THUMPD2: variants seen among roughly 807,000 people sequenced by gnomAD.
THUMPD2 encodes the protein THUMP domain 2 tRNA and snRNA guanosine methyltransferase.
In THUMPD2, 56 loss-of-function variants were observed where a neutral mutation model predicts 49.4. The observed-to-expected ratio is 1.13, with a 90% CI of 0.91 to 1.41. The LOEUF (loss-of-function observed/expected upper bound fraction) is 1.41, where lower values mean the gene tolerates loss of function less well. THUMPD2 is among the 40% of genes most tolerant of loss of function. THUMPD2 has a pLI of 0.00. For synonymous variants in THUMPD2, 237 were observed against 205.2 expected (o/e 1.15, Z -1.32); for missense variants, 709 against 594.5 (o/e 1.19, Z -2.00).
At chr2:39,757,608 C>A (rs568591732) in intron 6 of THUMPD2, among the ~76,000 whole-genome samples, 2 of 152,202 alleles carry the variant, frequency 1.3e-5, no homozygotes, top group Non-Finnish European at 2.9e-5. Flanking sequence ...CATAATCTGA[C>A]CTGAAGTATC....
chr2:39,743,092 A>T (rs566909220), intron 9 of THUMPD2, among the ~76,000 whole-genome samples: 1 of 152,318 alleles, frequency 6.6e-6, no homozygotes. Flanking sequence ...AGCTTAGACT[A>T]AGTGTCAAGA....
chr2:39,778,210 T>C (rs1415198357), intron 1 of THUMPD2, among the ~76,000 whole-genome samples: 1 of 152,224 alleles, frequency 6.6e-6, no homozygotes, highest in African/African-American at 2.4e-5. Flanking sequence ...TGACACATAT[T>C]AAATGTTCAA....
intron 2 of THUMPD2, 31 bp from the exon 3 acceptor site, chr2:39,770,150 T>C (rs778423321): frequency 1.6e-5 from 22 of 1,417,486 alleles, no homozygotes; most frequent in Admixed American, 1.5e-4. Context: ...TGATCCTCTA[T>C]TGAAGCTTTA....
At chr2:39,753,998 T>A (rs752384855) in intron 8 of THUMPD2, among the ~76,000 whole-genome samples, 3 of 152,152 alleles carry the variant, frequency 2.0e-5, no homozygotes, top group South Asian at 2.1e-4. Flanking sequence ...GACTGTTTTT[T>A]AAATGAAATC....
Position 39,761,392 on chromosome 2 carries a change from A to G in THUMPD2, c.830T>C (p.Ile277Thr), listed in dbSNP as rs746658199. The stretch of plus-strand genomic sequence containing the variant: ...TGTAGATCGCAGTCCAGCTGTCTTG[A>G]TGTAAGCTCTGCTGGCTAGGGAAAC... Reference protein sequence around the residue: ...FRVSLASRAYIKTAGLRSTIA... With the variant: ...FRVSLASRAYTKTAGLRSTIA... Residue 277 changes from isoleucine to threonine, a missense_variant, in exon 6 of 10, where the codon ATC (isoleucine) becomes ACC (threonine). By Grantham distance (89) the Ile-to-Thr change is moderately conservative. Transcript: ENST00000505747. 50 of 1,613,706 alleles carry G rather than the reference A, an allele frequency of 3.1e-5. 1 individual carries two copies. The South Asian group carries it at 5.5e-4, about 18-fold the overall frequency.
chr2:39,751,186 C>A (rs1410199924), intron 8 of THUMPD2, among the ~76,000 whole-genome samples: 1 of 152,248 alleles, frequency 6.6e-6, no homozygotes, highest in African/African-American at 2.4e-5. Flanking sequence ...ATATAAGACA[C>A]CTGGCTAGAA....
At chr2:39,761,505 T>G in intron 5 of THUMPD2, 87 bp from the exon 6 acceptor site, 2 of 1,196,980 alleles carry the variant, frequency 1.7e-6, no homozygotes, top group Non-Finnish European at 2.4e-6. Flanking sequence ...CTGAGAATCA[T>G]TTAAACATAT....
chr2:39,773,815 T>C (rs1678703253), intron 1 of THUMPD2, among the ~76,000 whole-genome samples: 1 of 152,050 alleles, frequency 6.6e-6, no homozygotes. Context: ...GAATTATACA[T>C]TCTCAAAACC....
chr2:39,776,804 C>G (rs1263998900), intron 1 of THUMPD2, among the ~76,000 whole-genome samples: 1 of 152,104 alleles, frequency 6.6e-6, no homozygotes, highest in Non-Finnish European at 1.5e-5. Flanking sequence ...TGGGAGTTCT[C>G]TGAGAGGGGA....
chr2:39,738,401 A>G (rs1051063378), intron 9 of THUMPD2, among the ~76,000 whole-genome samples: 1 of 151,762 alleles, frequency 6.6e-6, no homozygotes, highest in Non-Finnish European at 1.5e-5. Flanking sequence ...GTCTCTACCA[A>G]AAAAATACAA....
chr2:39,748,696 C>CA (rs1245718426), intron 8 of THUMPD2, among the ~76,000 whole-genome samples: 2 of 151,250 alleles, frequency 1.3e-5, no homozygotes, highest in African/African-American at 4.9e-5. Context: ...CAAAAAAAAA[C>CA]AAAAAAAGTG....
At chr2:39,758,785 T>TAA (rs372395566) in intron 6 of THUMPD2, among the ~76,000 whole-genome samples, 3 of 123,226 alleles carry the variant, frequency 2.4e-5, no homozygotes. Context: ...ATGGCACATC[T>TAA]AAAAAAAAAA....
chr2:39,759,239 A>G (rs1676517072), intron 6 of THUMPD2, among the ~76,000 whole-genome samples: 1 of 152,042 alleles, frequency 6.6e-6, no homozygotes, highest in African/African-American at 2.4e-5. Context: ...TGGAAGAAAA[A>G]GTGCTTAGGC....
At chr2:39,771,787 G>A in intron 1 of THUMPD2, 147 bp from the exon 2 acceptor site, 1 of 821,622 alleles carries the variant, frequency 1.2e-6, no homozygotes, top group South Asian at 1.8e-5. Context: ...TAGGAACACT[G>A]AATAAGTATT....
intron 7 of THUMPD2, 140 bp from the exon 8 acceptor site, chr2:39,755,549 T>C (rs564608738): frequency 1.0e-4 from 61 of 593,542 alleles, no homozygotes; most frequent in Non-Finnish European, 1.7e-4. Context: ...TAGGGTATTC[T>C]TTTAAAATCA....
At chr2:39,759,263 A>G (rs1030444201) in intron 6 of THUMPD2, among the ~76,000 whole-genome samples, 1 of 151,988 alleles carries the variant, frequency 6.6e-6, no homozygotes, top group African/African-American at 2.4e-5. Flanking sequence ...AGAAGTAAAA[A>G]TAAATAATAA....
chr2:39,765,162 A>AT (rs928371519), intron 5 of THUMPD2, among the ~76,000 whole-genome samples: 1 of 151,782 alleles, frequency 6.6e-6, no homozygotes, highest in Non-Finnish European at 1.5e-5. Flanking sequence ...CTCTTCCTAA[A>AT]TTTTTTTGTT....
chr2:39,767,116 CGT>C (rs1265113150), intron 4 of THUMPD2, among the ~76,000 whole-genome samples: 1 of 152,088 alleles, frequency 6.6e-6, no homozygotes, highest in Non-Finnish European at 1.5e-5. Context: ...AATTTTACTA[CGT>C]GTGATTTTTG....
At chr2:39,738,766 A>T (rs1487337874) in intron 9 of THUMPD2, among the ~76,000 whole-genome samples, 1 of 151,722 alleles carries the variant, frequency 6.6e-6, no homozygotes. Flanking sequence ...GAAATCAGTG[A>T]ACCCAGGGAC....
Sources: allele counts gnomAD v4.1 joint callset (sites outside exome capture counted in the v4.1 genomes callset), GRCh38; gene constraint gnomAD v4.1.1; transcripts MANE v1.5; gene names NCBI Gene and HGNC (gene_info 2026-07-23, HGNC 2026-07-21).